Variants in LNP1 observed in about 807,000 individuals in gnomAD.
The protein encoded by LNP1 is leukemia NUP98 fusion partner 1.
Under a neutral mutation model 14.5 loss-of-function variants are expected in LNP1, and 12 were observed. The observed-to-expected ratio is 0.83, with a 90% CI of 0.53 to 1.34. The LOEUF (loss-of-function observed/expected upper bound fraction) is 1.34, where lower values mean the gene tolerates loss of function less well. LNP1 is among the 40% of genes most tolerant of loss of function. The pLI, the probability that LNP1 is intolerant of heterozygous loss-of-function variation, is 0.00. For synonymous variants in LNP1, 75 were observed against 71.4 expected (o/e 1.05, Z -0.26); for missense variants, 198 against 210.9 (o/e 0.94, Z 0.38).
chr3:100,444,416 T>C lies in LNP1; in HGVS notation c.157-7303T>C, dbSNP rs1459768545. The stretch of plus-strand genomic sequence containing the variant: ...GGAACACATACCAATAACATATTTA[T>C]AGAAATACAGCCCTAAGAAAACCAA... On this transcript the variant is annotated intron_variant, in intron 2 of 3. Transcript: ENST00000383693. Among the ~76,000 whole-genome samples, 7 of 152,222 alleles carry C rather than the reference T, an allele frequency of 4.6e-5. No homozygotes were observed. The South Asian group carries it at 1.2e-3, about 27-fold the overall frequency.
rs1265176313 is a variant in LNP1 at position 100,402,087 on chromosome 3, T to TA, written c.-385dup. 3.9e-5 allele frequency: 6 copies of TA among 152,394 alleles called. No homozygotes were observed. In the East Asian group the frequency reaches 5.8e-4, roughly 15 times the overall value. The allele number at this position is 152,394 out of a possible 1,614,324, so 9.4% of individuals were successfully genotyped here. ...ATCGTAATTTCAGTTCACAGCTTTT[T>TA]ATCTATAATAGCTTTATCAACTCTT... On this transcript the variant is annotated 5_prime_UTR_variant, in exon 1 of 4. Coordinates refer to ENST00000383693, the MANE Select transcript of LNP1 (RefSeq NM_001085451.2).
At chr3:100,436,714 T>C (rs1442851698) in intron 2 of LNP1, among the ~76,000 whole-genome samples, 2 of 152,230 alleles carry the variant, frequency 1.3e-5, no homozygotes, top group Non-Finnish European at 1.5e-5. Context: ...TGTTCTGTTA[T>C]GGACTGAATG....
chr3:100,426,214 G>A (rs1207778840), intron 1 of LNP1, among the ~76,000 whole-genome samples: 1 of 152,206 alleles, frequency 6.6e-6, no homozygotes, highest in Non-Finnish European at 1.5e-5. Context: ...ATGTGATTCG[G>A]ATAGCAGAGT....
Position 100,402,299 on chromosome 3 carries a change from C to T in LNP1, c.-174C>T, listed in dbSNP as rs1409282896. The T allele has an allele frequency of 1.3e-5, 2 of 152,196 alleles. No individual in the cohort carries two copies. Among genetic ancestry groups the T allele is most frequent in the East Asian group, 3.8e-4 (2 of 5,198 alleles). 9.4% of individuals were successfully genotyped at this position (152,196 alleles called of 1,614,324 possible). On this transcript the variant is annotated 5_prime_UTR_variant, in exon 1 of 4. Coordinates refer to ENST00000383693, the MANE Select transcript of LNP1 (RefSeq NM_001085451.2). ...TAAGATTTCATAAATGATTGTTTTGCTGTTAAGTGCAACAACATCACAGTA... is the reference window on the plus strand; with the variant it reads ...TAAGATTTCATAAATGATTGTTTTGTTGTTAAGTGCAACAACATCACAGTA...
At chr3:100,449,660 C>CA (rs879621237) in intron 2 of LNP1, among the ~76,000 whole-genome samples, 23 of 151,298 alleles carry the variant, frequency 1.5e-4, no homozygotes, top group African/African-American at 1.9e-4. Flanking sequence ...AAAATCAAAC[C>CA]AAAAAAAACA....
chr3:100,449,636 A>C (rs1041439008), intron 2 of LNP1, among the ~76,000 whole-genome samples: 2 of 152,170 alleles, frequency 1.3e-5, no homozygotes, highest in African/African-American at 4.8e-5. Context: ...AGGAGACAAA[A>C]CAAACAAACA....
intron 2 of LNP1, among the ~76,000 whole-genome samples, chr3:100,442,685 C>A (rs1226767685): frequency 1.3e-5 from 2 of 152,256 alleles, no homozygotes; most frequent in African/African-American, 4.8e-5. Context: ...GGCAGGTTGG[C>A]CCTAAGCTGT....
At position 100,456,220 on chromosome 3, in the gene LNP1, A is replaced by G; in HGVS notation, c.*294A>G. ...TTTAATAGAATAAAGAAAAATTTGA[A>G]AATATAATGGAAGGTATTTAAAGAG... On this transcript the variant is annotated 3_prime_UTR_variant, in exon 4 of 4. Coordinates refer to ENST00000383693, the MANE Select transcript of LNP1 (RefSeq NM_001085451.2). 4.4e-6 allele frequency: 1 copy of G among 225,134 alleles called. No homozygotes were observed. Among genetic ancestry groups the G allele is most frequent in the Non-Finnish European group, 8.6e-6 (1 of 116,782 alleles). 13.9% of individuals were successfully genotyped at this position (225,134 alleles called of 1,614,324 possible). A position where few individuals can be genotyped will look rare whatever the true frequency, so the allele number is the denominator to read the frequency against.
In LNP1 at chr3:100,429,894, T is replaced by C. The variant is rs1257016800; in HGVS notation, c.156+9T>C. 6 of 1,611,670 alleles carry C rather than the reference T, an allele frequency of 3.7e-6. No individual in the cohort carries two copies. Among genetic ancestry groups the C allele is most frequent in the African/African-American group, 1.3e-5 (1 of 74,888 alleles). On this transcript the variant is annotated intron_variant, in intron 2 of 3. Coordinates refer to ENST00000383693, the MANE Select transcript of LNP1 (RefSeq NM_001085451.2). Reference sequence around the variant, plus strand: ...CCTCCCTGCCCTGCCCAGTGAGTGATTGTCATGGAACCGGAGGGGAGAGCT... The same window carrying C: ...CCTCCCTGCCCTGCCCAGTGAGTGACTGTCATGGAACCGGAGGGGAGAGCT...
At chr3:100,449,149 C>T (rs139273661) in intron 2 of LNP1, among the ~76,000 whole-genome samples, 1 of 152,142 alleles carries the variant, frequency 6.6e-6, no homozygotes, top group Non-Finnish European at 1.5e-5. Context: ...TTAACCGGAT[C>T]TCTGAGCTTT....
At chr3:100,440,195 C>T (rs1408150728) in intron 2 of LNP1, among the ~76,000 whole-genome samples, 1 of 152,146 alleles carries the variant, frequency 6.6e-6, no homozygotes, top group Non-Finnish European at 1.5e-5. Context: ...GATTAGGGCT[C>T]ACCCTAATGG....
chr3:100,408,909 T>C (rs903120960), intron 1 of LNP1, among the ~76,000 whole-genome samples: 3 of 152,208 alleles, frequency 2.0e-5, no homozygotes, highest in African/African-American at 7.2e-5. Context: ...GGTGCTATAA[T>C]CTCTCACCTG....
At chr3:100,426,764 CAG>C (rs1707197015) in intron 1 of LNP1, among the ~76,000 whole-genome samples, 1 of 152,030 alleles carries the variant, frequency 6.6e-6, no homozygotes, top group Non-Finnish European at 1.5e-5. Context: ...CTTAAATACT[CAG>C]AGTTTACATT....
chr3:100,410,616 T>A (rs778150502), intron 1 of LNP1, among the ~76,000 whole-genome samples: 3 of 152,046 alleles, frequency 2.0e-5, no homozygotes, highest in Non-Finnish European at 4.4e-5. Flanking sequence ...AACATGGAGA[T>A]TGGGTACAAC....
At chr3:100,410,749 A>G (rs1314887541) in intron 1 of LNP1, among the ~76,000 whole-genome samples, 1 of 152,220 alleles carries the variant, frequency 6.6e-6, no homozygotes, top group Non-Finnish European at 1.5e-5. Flanking sequence ...GAAAGCTATC[A>G]GACTTAGATT....
At position 100,429,801 on chromosome 3, in the gene LNP1, C is replaced by T; in HGVS notation, c.72C>T (p.Ser24=). The T allele has an allele frequency of 6.2e-7, 1 of 1,613,896 alleles. No individual in the cohort carries two copies. Among genetic ancestry groups the T allele is most frequent in the Non-Finnish European group, 8.5e-7 (1 of 1,179,938 alleles). ...AKWMSSFWGH[S]WREEDQRGLR... Reference sequence around the variant, plus strand: ...GGATGAGCAGCTTCTGGGGCCACAGCTGGAGAGAGGAGGATCAGAGAGGAC... The same window carrying T: ...GGATGAGCAGCTTCTGGGGCCACAGTTGGAGAGAGGAGGATCAGAGAGGAC... The change falls in exon 2 of 4, where the codon AGC becomes AGT. Residue 24 remains serine (S), a synonymous_variant. Transcript: ENST00000383693.
chr3:100,452,922 C>T (rs1254124734), intron 3 of LNP1, among the ~76,000 whole-genome samples: 1 of 151,868 alleles, frequency 6.6e-6, no homozygotes, highest in East Asian at 1.9e-4. Flanking sequence ...CAAAATGCTT[C>T]TTTTTTTGTA....
Position 100,409,529 on chromosome 3 carries a change from GCT to G in LNP1, c.-34+7103_-34+7104del, listed in dbSNP as rs199706202. ...GTGGTGGTGGGCGCCTGCAATTCCA[GCT>G]CTCTCTCTCTCTATATATATATACA... On this transcript the variant is annotated intron_variant, in intron 1 of 3. Coordinates refer to ENST00000383693, the MANE Select transcript of LNP1 (RefSeq NM_001085451.2). 6.1e-3 allele frequency among the ~76,000 whole-genome samples: 851 copies of G among 138,620 alleles called. 8 individuals carry two copies. Among genetic ancestry groups the G allele is most frequent in the African/African-American group, 0.023 (819 of 36,380 alleles). The allele number at this position is 138,620 out of a possible 152,430, so 90.9% of individuals were successfully genotyped here.
At chr3:100,428,851 AAC>A (rs1170697698) in intron 1 of LNP1, among the ~76,000 whole-genome samples, 1 of 152,242 alleles carries the variant, frequency 6.6e-6, no homozygotes, top group Non-Finnish European at 1.5e-5. Flanking sequence ...CATGTTGAAT[AAC>A]ACAGGATAAT....
Sources: gnomAD v4.1 joint callset for allele counts (sites outside exome capture counted in the v4.1 genomes callset) on GRCh38, gnomAD v4.1.1 for gene constraint, MANE v1.5 for transcripts, NCBI Gene and HGNC (gene_info 2026-07-23, HGNC 2026-07-21) for gene names.